RABGAP1L: variants seen among roughly 807,000 people sequenced by gnomAD.
The protein encoded by RABGAP1L is rab GTPase-activating protein 1-like.
A neutral mutation model predicts 137.7 loss-of-function variants in RABGAP1L; 63 were observed. The ratio of observed to expected loss-of-function variants is 0.46; its 90% CI spans 0.37 to 0.56. RABGAP1L has a LOEUF of 0.56. Ranked by LOEUF, RABGAP1L falls within the 20% of genes least tolerant of loss-of-function variation. The probability of loss-of-function intolerance (pLI) is 0.00; values close to 1 mark genes in which losing one functional copy is unlikely to be tolerated. For synonymous variants in RABGAP1L, 431 were observed against 433.7 expected, an observed-to-expected ratio of 0.99 and a Z score of 0.08; for missense variants, 1,095 against 1,244.0, an observed-to-expected ratio of 0.88 and a Z score of 1.80.
intron 13 of RABGAP1L, among the ~76,000 whole-genome samples, chr1:174,589,526 T>G (rs1373329041): frequency 1.3e-5 from 2 of 152,184 alleles, no homozygotes; most frequent in Non-Finnish European, 2.9e-5. Context: ...CTGAAGAAAT[T>G]TTTGCCCAGC....
intron 12 of RABGAP1L, among the ~76,000 whole-genome samples, chr1:174,376,644 C>A (rs964672161): frequency 1.3e-5 from 2 of 152,154 alleles, no homozygotes; most frequent in African/African-American, 2.4e-5. Flanking sequence ...ATTCAGCATT[C>A]ATTCTTGATT....
chr1:174,575,961 G>A (rs537932170), intron 13 of RABGAP1L, among the ~76,000 whole-genome samples: 4 of 152,292 alleles, frequency 2.6e-5, no homozygotes, highest in East Asian at 3.9e-4. Flanking sequence ...AGATGGTCAC[G>A]TGGGGATGAA....
intron 19 of RABGAP1L, among the ~76,000 whole-genome samples, chr1:174,873,259 C>CGTTTCACCAT (rs1652491066): frequency 6.6e-6 from 1 of 151,878 alleles, no homozygotes; most frequent in East Asian, 2.0e-4. Flanking sequence ...TTATTAGAGA[C>CGTTTCACCAT]GGGGTTTCAC....
chr1:174,639,556 C>T (rs1192278688), intron 14 of RABGAP1L, among the ~76,000 whole-genome samples: 1 of 151,890 alleles, frequency 6.6e-6, no homozygotes. Flanking sequence ...TTTTTTTCCC[C>T]TAGCATATAG....
chr1:174,494,234 T>C (rs1421110797), intron 13 of RABGAP1L, among the ~76,000 whole-genome samples: 2 of 152,154 alleles, frequency 1.3e-5, no homozygotes, highest in African/African-American at 4.8e-5. Flanking sequence ...TCAGCCATGC[T>C]GCTTTTGTGT....
At chr1:174,524,562 G>T (rs1663711315) in intron 13 of RABGAP1L, among the ~76,000 whole-genome samples, 1 of 152,110 alleles carries the variant, frequency 6.6e-6, no homozygotes, top group Non-Finnish European at 1.5e-5. Flanking sequence ...TGAATGAATA[G>T]TTTGCAGATA....
At chr1:174,370,363 C>G (rs1460666347) in intron 11 of RABGAP1L, among the ~76,000 whole-genome samples, 1 of 151,050 alleles carries the variant, frequency 6.6e-6, no homozygotes, top group East Asian at 1.9e-4. Context: ...AACTGTAAAT[C>G]AACCCATATT....
chr1:174,841,229 C>G (rs1251781547), intron 19 of RABGAP1L, among the ~76,000 whole-genome samples: 2 of 151,932 alleles, frequency 1.3e-5, no homozygotes, highest in Non-Finnish European at 2.9e-5. Flanking sequence ...AAAAATAGAC[C>G]ATAAAGAAAA....
intron 13 of RABGAP1L, among the ~76,000 whole-genome samples, chr1:174,550,857 A>AATATATATATAGATATATATATATAT (rs1666379780): frequency 1.6e-5 from 1 of 61,830 alleles, no homozygotes; most frequent in Non-Finnish European, 2.7e-5. Context: ...GTCTCTGCTA[A>AATATATATATAGATATATATATATAT]ATATATATAT....
intron 13 of RABGAP1L, among the ~76,000 whole-genome samples, chr1:174,615,081 C>G (rs942860758): frequency 6.6e-6 from 1 of 152,234 alleles, no homozygotes; most frequent in Non-Finnish European, 1.5e-5. Flanking sequence ...CTCAACTCGT[C>G]AAAGTCATTC....
chr1:174,801,370 T>G (rs1192496352), intron 18 of RABGAP1L, among the ~76,000 whole-genome samples: 1 of 152,214 alleles, frequency 6.6e-6, no homozygotes, highest in Non-Finnish European at 1.5e-5. Flanking sequence ...AGTATTTACA[T>G]GACTGAATTT....
At chr1:174,372,179 A>G (rs1041866090) in intron 12 of RABGAP1L, among the ~76,000 whole-genome samples, 1 of 152,184 alleles carries the variant, frequency 6.6e-6, no homozygotes, top group Non-Finnish European at 1.5e-5. Context: ...AATAATCAAA[A>G]GGGTCAGAAT....
intron 17 of RABGAP1L, among the ~76,000 whole-genome samples, chr1:174,747,456 T>A (rs937333404): frequency 6.6e-6 from 1 of 151,056 alleles, no homozygotes; most frequent in South Asian, 2.1e-4. Flanking sequence ...CTTTTCTGAA[T>A]TCCATCAACT....
chr1:174,858,218 C>T (rs766411026), intron 19 of RABGAP1L, among the ~76,000 whole-genome samples: 1 of 151,940 alleles, frequency 6.6e-6, no homozygotes, highest in South Asian at 2.1e-4. Flanking sequence ...GGTCTCACTA[C>T]GTTACTTATA....
chr1:174,516,474 C>T (rs948678400), intron 13 of RABGAP1L, among the ~76,000 whole-genome samples: 2 of 152,108 alleles, frequency 1.3e-5, no homozygotes, highest in African/African-American at 4.8e-5. Context: ...TCTCCTTGGC[C>T]TCCCAATGTG....
At chr1:174,842,039 G>A (rs1894200) in intron 19 of RABGAP1L, among the ~76,000 whole-genome samples, 75,684 of 151,926 alleles carry the variant, frequency 0.5, 21,355 homozygotes, top group East Asian at 0.71. Context: ...TTTAAAATGC[G>A]TTTTATATTG....
At chr1:174,535,493 T>G (rs1305050798) in intron 13 of RABGAP1L, among the ~76,000 whole-genome samples, 12 of 152,202 alleles carry the variant, frequency 7.9e-5, no homozygotes. Context: ...TAGTTACTAT[T>G]AAGAGAGGAT....
chr1:174,837,568 T>C (rs1027553636), intron 19 of RABGAP1L, among the ~76,000 whole-genome samples: 2 of 152,208 alleles, frequency 1.3e-5, no homozygotes, highest in Non-Finnish European at 2.9e-5. Context: ...TGTGGAGAAT[T>C]GCCTCCTCTT....
intron 19 of RABGAP1L, among the ~76,000 whole-genome samples, chr1:174,871,360 C>A (rs984328634): frequency 2.0e-5 from 3 of 152,062 alleles, no homozygotes; most frequent in Non-Finnish European, 4.4e-5. Flanking sequence ...TCTCGAACTC[C>A]TGACAGCGTG....
Sources: gnomAD v4.1 joint callset for allele counts (sites outside exome capture counted in the v4.1 genomes callset) on GRCh38, gnomAD v4.1.1 for gene constraint, MANE v1.5 for transcripts, NCBI Gene and HGNC (gene_info 2026-07-23, HGNC 2026-07-21) for gene names.